FN1: variants seen among roughly 807,000 people sequenced by gnomAD.
The protein encoded by FN1 is fibronectin.
Under a neutral mutation model 297.3 loss-of-function variants are expected in FN1, and 106 were observed. The ratio of observed to expected loss-of-function variants is 0.36; its 90% confidence interval spans 0.30 to 0.42. The LOEUF (loss-of-function observed/expected upper bound fraction) is 0.42. Ranked by LOEUF, FN1 falls within the 10% of genes least tolerant of loss-of-function variation. The pLI, the probability that FN1 is intolerant of heterozygous loss-of-function variation, is 1.00. For missense variants in FN1, 2,690 were observed against 3,124.9 expected (o/e 0.86, Z 3.32); for synonymous variants, 1,149 against 1,152.6 (o/e 1.00, Z 0.06).
rs2058034101 is a variant in FN1, at chr2:215,380,336, G to A, written c.5434+475C>T. 1.7e-5 allele frequency: 3 copies of A among 179,664 alleles called. No individual in the cohort carries two copies. The South Asian group carries it at 3.7e-4, about 22-fold the overall frequency. The allele number at this position is 179,664 out of a possible 1,614,324, so 11.1% of individuals were successfully genotyped here. On this transcript the variant is annotated intron_variant, in intron 33 of 45. Transcript: ENST00000354785. ...TTGCCCTATTGATTATTTCCTAGGT[G>A]TCTAAATCACAATCATTTAAGCTAA...
intron 13 of FN1, among the ~76,000 whole-genome samples, chr2:215,410,317 C>T (rs1052337060): frequency 1.3e-5 from 2 of 152,096 alleles, no homozygotes; most frequent in Admixed American, 6.5e-5. Flanking sequence ...CTATTGTTAA[C>T]ATCAACAAAC....
At chr2:215,364,382 A>C (rs866626103) in intron 44 of FN1, 6 of 229,704 alleles carry the variant, frequency 2.6e-5, no homozygotes, top group South Asian at 7.0e-5. Context: ...GCTACACTGC[A>C]CTTAACACTT....
chr2:215,379,619 A>T, intron 33 of FN1: 2 of 297,360 alleles, frequency 6.7e-6, no homozygotes, highest in Non-Finnish European at 1.3e-5. Flanking sequence ...AAAAAGTTAC[A>T]TTGGCTTATT....
At chr2:215,407,401 C>A in intron 17 of FN1, 80 bp from the exon 18 acceptor site, 1 of 1,165,648 alleles carries the variant, frequency 8.6e-7, no homozygotes. Flanking sequence ...CCTCCCTTTT[C>A]TAATATCCCT....
chr2:215,407,099 A>G (rs919940143), intron 18 of FN1, 28 bp downstream of exon 18: 1 of 1,550,040 alleles, frequency 6.5e-7, no homozygotes. Flanking sequence ...ATAAGATAAC[A>G]TAGGAAGTGT....
intron 41 of FN1, among the ~76,000 whole-genome samples, chr2:215,369,208 GA>G (rs1165072505): frequency 1.6e-5 from 2 of 122,684 alleles, no homozygotes; most frequent in East Asian, 4.0e-4. Context: ...TAAAGAGATG[GA>G]ATCTTTAAAA....
At chr2:215,392,886 T>G in intron 25 of FN1, 45 bp downstream of exon 25, 1 of 1,607,156 alleles carries the variant, frequency 6.2e-7, no homozygotes, top group South Asian at 1.1e-5. Flanking sequence ...GGTGGCAGCA[T>G]GCAACACCAT....
At chr2:215,421,962 G>T in intron 10 of FN1, 129 bp downstream of exon 10, 1 of 887,474 alleles carries the variant, frequency 1.1e-6, no homozygotes. Flanking sequence ...ATGCACAGTA[G>T]ACTAATGAAT....
intron 27 of FN1, 83 bp downstream of exon 27, chr2:215,388,129 T>C (rs2059256143): frequency 2.0e-6 from 2 of 987,394 alleles, no homozygotes. Context: ...AATGGAGATG[T>C]ATTTTTAGAA....
intron 12 of FN1, among the ~76,000 whole-genome samples, chr2:215,418,782 A>AGG (rs1235855035): frequency 6.6e-6 from 1 of 152,216 alleles, no homozygotes; most frequent in African/African-American, 2.4e-5. Flanking sequence ...GATCAAACAA[A>AGG]TGAAAAGTTT....
rs1251947985 is a variant in FN1 at position 215,433,435 on chromosome 2, T to C, written c.304A>G (p.Thr102Ala). The change falls in exon 3 of 46, where the codon ACT (threonine) becomes GCT (alanine). Residue 102 changes from threonine (T) to alanine (A), a missense_variant. Physicochemically the swap from Thr to Ala is moderately conservative, Grantham distance 58 (BLOSUM62 0). Around this residue, in one of 3 missense-constraint regions of FN1, gnomAD observed 876 missense variants for 1,058.1 expected, o/e 0.83. Coordinates refer to ENST00000354785, the MANE Select transcript of FN1 (RefSeq NM_212482.4). ...TCACCCACTCGGTAAGTGTTCCCAG[T>C]GTACTTGTCAAAGCAAGTCTCTTCA... ...EAEETCFDKY[T>A]GNTYRVGDTY... 2.5e-6 allele frequency: 4 copies of C among 1,614,056 alleles called. No individual in the cohort carries two copies. Among genetic ancestry groups the C allele is most frequent in the African/African-American group, 2.7e-5 (2 of 74,934 alleles).
intron 7 of FN1, 79 bp downstream of exon 7, chr2:215,425,015 T>C (rs2065087120): frequency 7.7e-7 from 1 of 1,293,514 alleles, no homozygotes; most frequent in Non-Finnish European, 1.1e-6. Flanking sequence ...GTTTTATTGT[T>C]TCACATTGAA....
chr2:215,364,802 T>TTA, intron 44 of FN1, 77 bp downstream of exon 44: 1 of 934,058 alleles, frequency 1.1e-6, no homozygotes, highest in Non-Finnish European at 1.7e-6. Flanking sequence ...GCCCCTCCTG[T>TTA]GTGTACGACA....
intron 44 of FN1, among the ~76,000 whole-genome samples, chr2:215,363,798 CAT>C (rs1372928701): frequency 6.6e-6 from 1 of 152,162 alleles, no homozygotes; most frequent in Non-Finnish European, 1.5e-5. Context: ...AATTTGAAAT[CAT>C]ATTAGAGAAA....
In FN1 at chr2:215,413,551, A is replaced by G. The variant is rs186255193; in HGVS notation, c.1941+1286T>C. On this transcript the variant is annotated intron_variant, in intron 13 of 45. Coordinates refer to ENST00000354785, the MANE Select transcript of FN1 (RefSeq NM_212482.4). ...TCCCTTTTTATTCTTGGAGACCTCA[A>G]TCCCTGATCCCTCAATCCCATCCTC... Among the ~76,000 whole-genome samples, 12 of 152,238 alleles carry G rather than the reference A, an allele frequency of 7.9e-5. No individual in the cohort carries two copies. In the East Asian group the frequency reaches 2.1e-3, roughly 27 times the overall value.
At chr2:215,372,573 G>C in intron 39 of FN1, 198 bp from the exon 40 acceptor site, 1 of 616,716 alleles carries the variant, frequency 1.6e-6, no homozygotes, top group South Asian at 1.9e-5. Context: ...TTTCTTTATA[G>C]TTTAGAAAGA....
intron 40 of FN1, among the ~76,000 whole-genome samples, chr2:215,371,247 C>G (rs7422768): frequency 0.94 from 142,387 of 151,880 alleles, 66,794 homozygotes; most frequent in East Asian, 1. Context: ...CAGCCAGGGC[C>G]ATAGAGCAAG....
chr2:215,411,572 C>T lies in FN1; in HGVS notation c.1942-1458G>A, dbSNP rs543216296. Among the ~76,000 whole-genome samples the T allele has an allele frequency of 2.0e-5, 3 of 151,708 alleles. No individual in the cohort carries two copies. In the South Asian group the frequency reaches 6.2e-4, roughly 32 times the overall value. ...TAACAGAAAATAAAGTCTCAGGTGG[C>T]ATCCATTAGAAAAAACCCTGAATTT... On this transcript the variant is annotated intron_variant, in intron 13 of 45. Transcript: ENST00000354785.
At chr2:215,425,459 G>A (rs1175251012) in intron 6 of FN1, among the ~76,000 whole-genome samples, 174 bp from the exon 7 acceptor site, 1 of 152,160 alleles carries the variant, frequency 6.6e-6, no homozygotes, top group Non-Finnish European at 1.5e-5. Context: ...ATTTAGCCTA[G>A]GAAATAATCC....
Sources: gnomAD v4.1 joint callset for allele counts (sites outside exome capture counted in the v4.1 genomes callset) on GRCh38, gnomAD v4.1.1 for gene constraint, gnomAD v4.1.1 regional missense constraint, MANE v1.5 for transcripts, NCBI Gene and HGNC (gene_info 2026-07-23, HGNC 2026-07-21) for gene names.